TACC2: variants seen among roughly 807,000 people sequenced by gnomAD.
TACC2 encodes transforming acidic coiled-coil containing protein 2, also known as transforming acidic coiled-coil-containing protein 2.
TACC2 carries 137 observed loss-of-function variants against 227.3 expected under a neutral mutation model. The observed-to-expected ratio is 0.60, with a 90% CI of 0.52 to 0.69. The LOEUF (loss-of-function observed/expected upper bound fraction) is 0.69. Ranked by LOEUF, TACC2 falls within the 30% of genes least tolerant of loss-of-function variation. The pLI is 0.00. For missense variants in TACC2, 3,470 were observed against 3,694.4 expected, an observed-to-expected ratio of 0.94 and a Z score of 1.57; for synonymous variants, 1,523 against 1,487.5, an observed-to-expected ratio of 1.02 and a Z score of -0.55.
chr10:122,227,108 C>CG (rs1239679843), intron 13 of TACC2, among the ~76,000 whole-genome samples: 6 of 152,138 alleles, frequency 3.9e-5, no homozygotes, highest in Non-Finnish European at 8.8e-5. Flanking sequence ...AGCTGTGTGA[C>CG]GGGGAGAGGG....
chr10:122,186,494 G>A (rs2094197906), intron 7 of TACC2, among the ~76,000 whole-genome samples: 1 of 151,990 alleles, frequency 6.6e-6, no homozygotes, highest in African/African-American at 2.4e-5. Context: ...CTCAGTCTCT[G>A]GGGGGATAAA....
rs751625468 is a variant in TACC2, at chr10:122,143,712, G to C, written c.5834+6G>C. 1 of 1,613,166 alleles carries C rather than the reference G, an allele frequency of 6.2e-7. No individual in the cohort carries two copies. The highest frequency in any genetic ancestry group is 8.5e-7 in the Non-Finnish European group (1 of 1,179,378). ...CCGGCCAAGGACCTCAGCAGGTATTGCGCAAGTCCCCCTCCACAGCACCTG... is the reference window on the plus strand; with the variant it reads ...CCGGCCAAGGACCTCAGCAGGTATTCCGCAAGTCCCCCTCCACAGCACCTG... On this transcript the variant is annotated splice_donor_region_variant and intron_variant, in intron 7 of 22. Coordinates refer to ENST00000369005, the MANE Select transcript of TACC2 (RefSeq NM_206862.4).
At chr10:122,199,328 T>G (rs2094698054) in intron 8 of TACC2, among the ~76,000 whole-genome samples, 1 of 152,260 alleles carries the variant, frequency 6.6e-6, no homozygotes. Flanking sequence ...CACATTGACT[T>G]GGAATGGAGC....
intron 2 of TACC2, among the ~76,000 whole-genome samples, chr10:122,049,288 C>T (rs967551214): frequency 5.3e-5 from 8 of 152,116 alleles, no homozygotes; most frequent in African/African-American, 1.9e-4. Context: ...TTTTCTCTGC[C>T]TGCGAGCTCT....
chr10:122,061,076 G>A (rs1414201682), intron 3 of TACC2, among the ~76,000 whole-genome samples: 2 of 150,674 alleles, frequency 1.3e-5, no homozygotes, highest in Non-Finnish European at 2.9e-5. Flanking sequence ...CTGGGAGGCC[G>A]AGGCGGGCAG....
At chr10:122,182,456 GT>G (rs932736460) in intron 7 of TACC2, among the ~76,000 whole-genome samples, 62 of 152,256 alleles carry the variant, frequency 4.1e-4, no homozygotes, top group African/African-American at 1.3e-3. Context: ...TAGCCAACTG[GT>G]TTGCAAACTG....
At chr10:122,072,481 G>A (rs191301930) in intron 3 of TACC2, among the ~76,000 whole-genome samples, 2 of 152,336 alleles carry the variant, frequency 1.3e-5, no homozygotes, top group Admixed American at 1.3e-4. Flanking sequence ...AGGACCATGT[G>A]TGTGGAGTGG....
At chr10:122,062,765 A>G (rs1239049631) in intron 3 of TACC2, among the ~76,000 whole-genome samples, 1 of 152,194 alleles carries the variant, frequency 6.6e-6, no homozygotes, top group African/African-American at 2.4e-5. Context: ...AGATGGTTTG[A>G]AAAAATGAAC....
chr10:122,061,028 G>T (rs913049006), intron 3 of TACC2, among the ~76,000 whole-genome samples: 3 of 142,652 alleles, frequency 2.1e-5, no homozygotes, highest in Non-Finnish European at 3.1e-5. Context: ...AAGGGGGGGG[G>T]GCCAGGCACG....
intron 7 of TACC2, among the ~76,000 whole-genome samples, chr10:122,175,541 G>T (rs760901546): frequency 3.3e-5 from 5 of 152,102 alleles, no homozygotes; most frequent in Non-Finnish European, 7.4e-5. Flanking sequence ...CTCGATGTAG[G>T]CTCAAAATTA....
At chr10:122,113,487 T>A (rs982846747) in intron 5 of TACC2, among the ~76,000 whole-genome samples, 3 of 151,896 alleles carry the variant, frequency 2.0e-5, no homozygotes, top group African/African-American at 7.3e-5. Flanking sequence ...AGCGCGGGGG[T>A]CAAAGCCCGT....
At chr10:121,990,309 G>T (rs1036759354) in intron 1 of TACC2, among the ~76,000 whole-genome samples, 1 of 151,892 alleles carries the variant, frequency 6.6e-6, no homozygotes, top group Non-Finnish European at 1.5e-5. Context: ...TAGAGATGGG[G>T]GTCTCGCCGT....
intron 22 of TACC2, among the ~76,000 whole-genome samples, chr10:122,251,706 C>G (rs376265195): frequency 6.6e-6 from 1 of 152,046 alleles, no homozygotes; most frequent in East Asian, 1.9e-4. Flanking sequence ...AGCAAGACCC[C>G]GTCTCTAAAA....
At chr10:122,115,295 TGTGTGTGTGTGTGTGTGTGTGTGTGA>T (rs1252094934) in intron 5 of TACC2, among the ~76,000 whole-genome samples, 1 of 42,438 alleles carries the variant, frequency 2.4e-5, no homozygotes, top group Non-Finnish European at 8.3e-5. Flanking sequence ...TGTGTGTGTG[TGTGTGTGTGTGTGTGTGTGTGTGTGA>T]GATACCTGAG....
chr10:122,092,270 G>A (rs2080907633), intron 5 of TACC2, among the ~76,000 whole-genome samples: 1 of 152,168 alleles, frequency 6.6e-6, no homozygotes, highest in South Asian at 2.1e-4. Flanking sequence ...GCACAGCCCA[G>A]AGTGATCTGC....
At chr10:122,053,445 C>T (rs1015519798) in intron 3 of TACC2, among the ~76,000 whole-genome samples, 2 of 152,026 alleles carry the variant, frequency 1.3e-5, no homozygotes, top group African/African-American at 2.4e-5. Context: ...ACAGCCAAAC[C>T]ATTATCACCC....
intron 19 of TACC2, chr10:122,247,845 A>C (rs949249322): frequency 6.6e-6 from 1 of 152,202 alleles, no homozygotes; most frequent in African/African-American, 2.4e-5. Flanking sequence ...CCCCAGCATT[A>C]GTCACACAGT....
intron 5 of TACC2, among the ~76,000 whole-genome samples, chr10:122,090,010 G>A (rs945063281): frequency 2.6e-5 from 4 of 152,086 alleles, no homozygotes; most frequent in Admixed American, 2.0e-4. Context: ...TAAGGGGCAG[G>A]AGAAATATCT....
At chr10:122,230,781 T>C (rs929943247) in intron 16 of TACC2, among the ~76,000 whole-genome samples, 1 of 151,802 alleles carries the variant, frequency 6.6e-6, no homozygotes, top group African/African-American at 2.4e-5. Flanking sequence ...CAAAACAAAA[T>C]CATGACCTTT....
Sources: allele counts gnomAD v4.1 joint callset (sites outside exome capture counted in the v4.1 genomes callset), GRCh38; gene constraint gnomAD v4.1.1; transcripts MANE v1.5; gene names NCBI Gene and HGNC (gene_info 2026-07-23, HGNC 2026-07-21).